MAN1A2: variants seen among roughly 807,000 people sequenced by gnomAD.
MAN1A2 encodes the protein mannosyl-oligosaccharide 1,2-alpha-mannosidase IB.
Under a neutral mutation model 75.7 loss-of-function variants are expected in MAN1A2, and 26 were observed. The ratio of observed to expected loss-of-function variants is 0.34; its 90% CI spans 0.25 to 0.48. The LOEUF (loss-of-function observed/expected upper bound fraction) is 0.48. MAN1A2 is among the 20% of genes least tolerant of loss of function. MAN1A2 has a pLI of 0.99. For synonymous variants in MAN1A2, 247 were observed against 264.6 expected (o/e 0.93, Z 0.65); for missense variants, 562 against 775.5 (o/e 0.72, Z 3.27).
At chr1:117,462,885 A>G (rs1649864685) in intron 7 of MAN1A2, among the ~76,000 whole-genome samples, 1 of 152,100 alleles carries the variant, frequency 6.6e-6, no homozygotes, top group South Asian at 2.1e-4. Flanking sequence ...TACATCTGGG[A>G]TATGGGGAAT....
chr1:117,488,506 A>G (rs1280278377), intron 8 of MAN1A2, among the ~76,000 whole-genome samples: 1 of 151,960 alleles, frequency 6.6e-6, no homozygotes, highest in African/African-American at 2.4e-5. Context: ...GCAAATGGCC[A>G]TTTTATATAG....
intron 12 of MAN1A2, among the ~76,000 whole-genome samples, chr1:117,519,421 G>A (rs1369378391): frequency 6.6e-6 from 1 of 151,914 alleles, no homozygotes; most frequent in Non-Finnish European, 1.5e-5. Flanking sequence ...AGATAAAATT[G>A]ATAGACCATT....
chr1:117,429,752 C>G (rs1439227028), intron 5 of MAN1A2, among the ~76,000 whole-genome samples: 1 of 90,956 alleles, frequency 1.1e-5, no homozygotes, highest in Non-Finnish European at 2.3e-5. Flanking sequence ...GCTGGCCGGG[C>G]GGGGGGCTGA....
chr1:117,396,376 A>G (rs1653904941), intron 1 of MAN1A2, among the ~76,000 whole-genome samples: 1 of 152,234 alleles, frequency 6.6e-6, no homozygotes, highest in Non-Finnish European at 1.5e-5. Flanking sequence ...ATTCTTTACT[A>G]CACAGGAAGA....
chr1:117,408,695 A>T (rs1389188477), intron 3 of MAN1A2, among the ~76,000 whole-genome samples: 1 of 151,984 alleles, frequency 6.6e-6, no homozygotes, highest in African/African-American at 2.4e-5. Flanking sequence ...AGTTTTCTGG[A>T]TGAGATTGTT....
chr1:117,498,280 T>C (rs1448289485), intron 10 of MAN1A2, among the ~76,000 whole-genome samples: 1 of 151,888 alleles, frequency 6.6e-6, no homozygotes, highest in African/African-American at 2.4e-5. Context: ...TATTCAATTT[T>C]ATATTAGGAT....
intron 12 of MAN1A2, among the ~76,000 whole-genome samples, chr1:117,516,102 A>C (rs1359701567): frequency 6.6e-6 from 1 of 152,034 alleles, no homozygotes; most frequent in East Asian, 1.9e-4. Flanking sequence ...TCCCTCCATT[A>C]TTCCTAAAAT....
intron 12 of MAN1A2, among the ~76,000 whole-genome samples, chr1:117,516,883 A>C (rs1225025002): frequency 6.6e-6 from 1 of 152,110 alleles, no homozygotes; most frequent in Non-Finnish European, 1.5e-5. Context: ...AATGCACTGG[A>C]GTGTTCAGCA....
rs1652059346 is a variant in MAN1A2, at chr1:117,527,455, T to C, written c.*4498T>C. The C allele has an allele frequency of 6.6e-6, 1 of 152,004 alleles. No individual in the cohort carries two copies. The highest frequency in any genetic ancestry group is 1.5e-5 in the Non-Finnish European group (1 of 67,906). 9.4% of individuals were successfully genotyped at this position (152,004 alleles called of 1,614,324 possible). A position where few individuals can be genotyped will look rare whatever the true frequency, so the allele number is the denominator to read the frequency against. ...TTGATTTACATAATTCATTTTTAAA[T>C]CAAAAAGATGTGCGTATATATGGTT... is the stretch of plus-strand genomic sequence containing the variant. On this transcript the variant is annotated 3_prime_UTR_variant, in exon 13 of 13. Transcript: ENST00000356554.
intron 1 of MAN1A2, among the ~76,000 whole-genome samples, chr1:117,380,302 C>T (rs965146221): frequency 6.6e-6 from 1 of 152,134 alleles, no homozygotes; most frequent in South Asian, 2.1e-4. Context: ...AACGTCTATC[C>T]AGGCTTTGTC....
intron 1 of MAN1A2, among the ~76,000 whole-genome samples, chr1:117,369,899 G>T (rs1277550515): frequency 6.6e-6 from 1 of 152,070 alleles, no homozygotes; most frequent in Non-Finnish European, 1.5e-5. Flanking sequence ...GCTGTTTTTA[G>T]AGCTGTTTCA....
intron 8 of MAN1A2, among the ~76,000 whole-genome samples, chr1:117,471,996 G>A (rs983930075): frequency 1.3e-5 from 2 of 151,742 alleles, no homozygotes; most frequent in Non-Finnish European, 2.9e-5. Flanking sequence ...ACAGCAGAAG[G>A]ACATACTAGA....
At chr1:117,469,438 C>T (rs1399843187) in intron 8 of MAN1A2, among the ~76,000 whole-genome samples, 1 of 151,814 alleles carries the variant, frequency 6.6e-6, no homozygotes, top group East Asian at 1.9e-4. Flanking sequence ...GCACAGGTAA[C>T]AATACAAAAA....
chr1:117,467,397 T>A (rs1490580907), intron 8 of MAN1A2, among the ~76,000 whole-genome samples: 1 of 152,082 alleles, frequency 6.6e-6, no homozygotes, highest in African/African-American at 2.4e-5. Context: ...TAGGAAAACA[T>A]TTGCCCTGGA....
intron 1 of MAN1A2, among the ~76,000 whole-genome samples, chr1:117,382,903 T>A (rs1570697723): frequency 6.6e-6 from 1 of 152,226 alleles, no homozygotes; most frequent in African/African-American, 2.4e-5. Context: ...TTTGCTAAAT[T>A]GACTTATTAG....
chr1:117,475,329 CTTTTAG>C, intron 8 of MAN1A2, among the ~76,000 whole-genome samples: 1 of 151,518 alleles, frequency 6.6e-6, no homozygotes, highest in Non-Finnish European at 1.5e-5. Context: ...TATGATCAGT[CTTTTAG>C]TTTTAGCCAT....
At chr1:117,399,349 C>T (rs12086745) in intron 1 of MAN1A2, among the ~76,000 whole-genome samples, 22,885 of 152,112 alleles carry the variant, frequency 0.15, 2,031 homozygotes, top group African/African-American at 0.24. Context: ...TAATGTGGTA[C>T]GTGGAGATAG....
chr1:117,479,131 G>C (rs1231712299), intron 8 of MAN1A2, among the ~76,000 whole-genome samples: 1 of 151,686 alleles, frequency 6.6e-6, no homozygotes, highest in Non-Finnish European at 1.5e-5. Context: ...GTATCCATGT[G>C]TTCTCATCAT....
At chr1:117,404,257 C>T (rs1375823162) in intron 2 of MAN1A2, among the ~76,000 whole-genome samples, 1 of 152,120 alleles carries the variant, frequency 6.6e-6, no homozygotes, top group South Asian at 2.1e-4. Flanking sequence ...TTAATGCTGG[C>T]TGCATAAAGC....
Sources: gnomAD v4.1 joint callset for allele counts (sites outside exome capture counted in the v4.1 genomes callset) on GRCh38, gnomAD v4.1.1 for gene constraint, MANE v1.5 for transcripts, NCBI Gene and HGNC (gene_info 2026-07-23, HGNC 2026-07-21) for gene names.